Variants in MIA2 observed in about 807,000 individuals in gnomAD.
MIA2 encodes MIA SH3 domain ER export factor 2.
MIA2 carries 127 observed loss-of-function variants against 167.8 expected under a neutral mutation model. The ratio of observed to expected loss-of-function variants is 0.76; its 90% CI spans 0.66 to 0.88. The LOEUF (loss-of-function observed/expected upper bound fraction) is 0.88, where lower values mean the gene tolerates loss of function less well. Ranked by LOEUF, MIA2 falls within the 40% of genes least tolerant of loss-of-function variation. The pLI is 0.00. For missense variants in MIA2, 1,690 were observed against 1,624.7 expected, an observed-to-expected ratio of 1.04 and a Z score of -0.69; for synonymous variants, 552 against 541.9, an observed-to-expected ratio of 1.02 and a Z score of -0.26.
At chr14:39,265,261 G>A (rs771290406) in intron 6 of MIA2, 4 of 739,808 alleles carry the variant, frequency 5.4e-6, no homozygotes, top group African/African-American at 1.8e-5. Context: ...CCACACAAAT[G>A]TCAAAACGGG....
intron 6 of MIA2, among the ~76,000 whole-genome samples, chr14:39,259,964 T>A (rs1359785760): frequency 6.6e-6 from 1 of 152,108 alleles, no homozygotes; most frequent in Non-Finnish European, 1.5e-5. Context: ...CGGTGTTTGG[T>A]TTTCTGTCCT....
At chr14:39,319,160 G>A (rs761653395) in intron 22 of MIA2, 49 bp from the exon 23 acceptor site, 6 of 1,074,286 alleles carry the variant, frequency 5.6e-6, no homozygotes, top group East Asian at 2.4e-5. Flanking sequence ...TTTTCTTGTG[G>A]TGCTTCTCTT....
At chr14:39,270,166 G>A (rs2056869457) in intron 6 of MIA2, among the ~76,000 whole-genome samples, 1 of 151,238 alleles carries the variant, frequency 6.6e-6, no homozygotes, top group Admixed American at 6.6e-5. Context: ...CACCCTTGTG[G>A]GTGTACAGGT....
intron 10 of MIA2, among the ~76,000 whole-genome samples, chr14:39,293,042 A>C (rs1042186407): frequency 1.6e-4 from 25 of 152,310 alleles, no homozygotes; most frequent in African/African-American, 6.0e-4. Context: ...ATAGTTGAGT[A>C]ATTGCAACAA....
chr14:39,353,496 C>T (rs1008091390), downstream of MIA2, among the ~76,000 whole-genome samples: 3 of 152,098 alleles, frequency 2.0e-5, no homozygotes, highest in Non-Finnish European at 2.9e-5. Flanking sequence ...ATTCCAGTTC[C>T]ATCCATGTTG....
At chr14:39,315,783 T>G in intron 21 of MIA2, 65 bp downstream of exon 21, 1 of 1,054,218 alleles carries the variant, frequency 9.5e-7, no homozygotes, top group Non-Finnish European at 1.4e-6. Flanking sequence ...AGATACGTTG[T>G]TTATTTAAAT....
chr14:39,251,930 C>G (rs917385052), intron 4 of MIA2, among the ~76,000 whole-genome samples: 2 of 151,976 alleles, frequency 1.3e-5, no homozygotes, highest in African/African-American at 4.8e-5. Context: ...GCATACATAG[C>G]AGGAATGAAA....
chr14:39,312,045 G>C (rs1031429655), intron 18 of MIA2, among the ~76,000 whole-genome samples: 1 of 151,610 alleles, frequency 6.6e-6, no homozygotes, highest in Admixed American at 6.6e-5. Flanking sequence ...AGCCAGGCTG[G>C]TCTCGAACTC....
intron 23 of MIA2, among the ~76,000 whole-genome samples, chr14:39,367,620 G>A (rs2074850488): frequency 6.6e-6 from 1 of 152,198 alleles, no homozygotes; most frequent in African/African-American, 2.4e-5. Context: ...TGAGCTGGCT[G>A]CCAGACTTCC....
chr14:39,324,481 A>G (rs1301367837), intron 24 of MIA2, among the ~76,000 whole-genome samples: 1 of 152,256 alleles, frequency 6.6e-6, no homozygotes, highest in Non-Finnish European at 1.5e-5. Flanking sequence ...TTTGTTTTAA[A>G]GATTACTATA....
At chr14:39,386,717 T>A in intron 23 of MIA2, 1 of 1,328,624 alleles carries the variant, frequency 7.5e-7, no homozygotes, top group Non-Finnish European at 1.1e-6. Context: ...AATGCTTCTT[T>A]GAATATTTGT....
At chr14:39,250,653 G>T (rs529960903) in intron 4 of MIA2, among the ~76,000 whole-genome samples, 1 of 150,630 alleles carries the variant, frequency 6.6e-6, no homozygotes, top group Non-Finnish European at 1.5e-5. Context: ...CTGAAATTGC[G>T]CCACTGCACT....
At chr14:39,355,906 T>G (rs543712627), downstream of MIA2, among the ~76,000 whole-genome samples, 5 of 152,326 alleles carry the variant, frequency 3.3e-5, no homozygotes, top group African/African-American at 1.2e-4. Context: ...TGAAGCCTAT[T>G]TGATCATGGT....
chr14:39,254,894 A>G (rs1346369824), intron 6 of MIA2, among the ~76,000 whole-genome samples: 1 of 152,154 alleles, frequency 6.6e-6, no homozygotes, highest in African/African-American at 2.4e-5. Context: ...TTGTAGACAG[A>G]ATCGTTGGAT....
chr14:39,358,720 A>T (rs1187684277), intron 23 of MIA2, among the ~76,000 whole-genome samples: 1 of 152,016 alleles, frequency 6.6e-6, no homozygotes, highest in Admixed American at 6.6e-5. Flanking sequence ...TGATGTACAG[A>T]TGGGGTTTTG....
chr14:39,364,514 T>A (rs1477436621), intron 23 of MIA2, among the ~76,000 whole-genome samples: 1 of 152,058 alleles, frequency 6.6e-6, no homozygotes, highest in Non-Finnish European at 1.5e-5. Context: ...GCTTTACCAG[T>A]AAGTTTTATA....
chr14:39,285,922 G>A (rs1351699454), intron 9 of MIA2, among the ~76,000 whole-genome samples: 1 of 151,458 alleles, frequency 6.6e-6, no homozygotes, highest in South Asian at 2.1e-4. Flanking sequence ...CTTCCTAGAC[G>A]GGATGGCGGC....
intron 25 of MIA2, among the ~76,000 whole-genome samples, chr14:39,339,673 T>C (rs1361651907): frequency 3.3e-5 from 5 of 152,152 alleles, no homozygotes; most frequent in African/African-American, 4.8e-5. Flanking sequence ...CTACAACAGC[T>C]CTGTCCAATA....
At chr14:39,366,786 A>G (rs2074831216) in intron 23 of MIA2, among the ~76,000 whole-genome samples, 1 of 152,182 alleles carries the variant, frequency 6.6e-6, no homozygotes, top group Admixed American at 6.5e-5. Flanking sequence ...TCCTCAGGGC[A>G]CACACTAGTG....
Sources: allele counts gnomAD v4.1 joint callset (sites outside exome capture counted in the v4.1 genomes callset), GRCh38; gene constraint gnomAD v4.1.1; transcripts MANE v1.5; gene names NCBI Gene and HGNC (gene_info 2026-07-23, HGNC 2026-07-21).